ARHGEF12: variants seen among roughly 807,000 people sequenced by gnomAD.
ARHGEF12 encodes KMT2A/ARHGEF12 fusion protein.
Under a neutral mutation model 211.2 loss-of-function variants are expected in ARHGEF12, and 66 were observed. That is an observed-to-expected ratio of 0.31 (90% CI 0.26 to 0.38). The LOEUF (loss-of-function observed/expected upper bound fraction) is 0.38, where lower values mean the gene tolerates loss of function less well. ARHGEF12 is among the 10% of genes least tolerant of loss of function. The pLI, the probability that ARHGEF12 is intolerant of heterozygous loss-of-function variation, is 1.00. For synonymous variants in ARHGEF12, 592 were observed against 638.4 expected, an observed-to-expected ratio of 0.93 and a Z score of 1.09; for missense variants, 1,429 against 1,869.5, an observed-to-expected ratio of 0.76 and a Z score of 4.34.
At chr11:120,476,620 C>A (rs750811256) in intron 33 of ARHGEF12, 41 bp from the exon 34 acceptor site, 2 of 1,512,486 alleles carry the variant, frequency 1.3e-6, no homozygotes, top group Non-Finnish European at 1.8e-6. Context: ...ATGGCCTCCC[C>A]AGGTCATAGT....
Position 120,487,531 on chromosome 11 carries a change from ATCTTCCTTT to A in ARHGEF12, c.*2455_*2463del, listed in dbSNP as rs1947428359. The A allele has an allele frequency of 4.7e-6, 1 of 214,300 alleles. No homozygotes were observed. Among genetic ancestry groups the A allele is most frequent in the African/African-American group, 2.3e-5 (1 of 44,258 alleles). 13.3% of individuals were successfully genotyped at this position (214,300 alleles called of 1,614,324 possible). A position where few individuals can be genotyped will look rare whatever the true frequency, so the allele number is the denominator to read the frequency against. On this transcript the variant is annotated 3_prime_UTR_variant, in exon 41 of 41. Transcript: ENST00000397843. ...ACATCCGTTTGACTTTGGTTGTGAC[ATCTTCCTTT>A]CAGGATGATGGAATTAGATGCAGTC...
Position 120,457,764 on chromosome 11 carries a change from A to T in ARHGEF12, c.2225+8A>T, listed in dbSNP as rs1014358950. On this transcript the variant is annotated splice_region_variant and intron_variant, in intron 24 of 40. Coordinates refer to ENST00000397843, the MANE Select transcript of ARHGEF12 (RefSeq NM_015313.3). ...ACCAAAGCCCTTTCGAAAGTAAGTA[A>T]ATCTTAAGCAGCTTTCAATAAAGGC... The T allele has an allele frequency of 4.4e-6, 7 of 1,607,926 alleles. No individual in the cohort carries two copies. In the African/African-American group the frequency reaches 6.7e-5, roughly 15 times the overall value.
In ARHGEF12 at chr11:120,424,845, A is replaced by T. The variant is rs548499529; in HGVS notation, c.406+430A>T. On this transcript the variant is annotated intron_variant, in intron 7 of 40. Coordinates refer to ENST00000397843, the MANE Select transcript of ARHGEF12 (RefSeq NM_015313.3). ...GAGGAAGGAGGTTGAGAAGTCAGACATATGGCCTGATGAACTGAAATGGAA... is the reference window on the plus strand; with the variant it reads ...GAGGAAGGAGGTTGAGAAGTCAGACTTATGGCCTGATGAACTGAAATGGAA... Among the ~76,000 whole-genome samples, 3 of 152,254 alleles carry T rather than the reference A, an allele frequency of 2.0e-5. No homozygotes were observed. In the South Asian group the frequency reaches 6.2e-4, roughly 31 times the overall value.
Position 120,337,005 on chromosome 11 carries a change from C to G in ARHGEF12, c.-239C>G. On this transcript the variant is annotated 5_prime_UTR_variant, in exon 1 of 41. Transcript: ENST00000397843. Reference sequence around the variant, plus strand: ...GAGGATTTCTCTCTAGCTCGACTCACTCTGGACTGACTCGCTCCCTGGCTT... The same window carrying G: ...GAGGATTTCTCTCTAGCTCGACTCAGTCTGGACTGACTCGCTCCCTGGCTT... The G allele has an allele frequency of 1.7e-6, 1 of 592,228 alleles. No individual in the cohort carries two copies. The highest frequency in any genetic ancestry group is 3.0e-6 in the Non-Finnish European group (1 of 331,270). The allele number at this position is 592,228 out of a possible 1,614,324, so 36.7% of individuals were successfully genotyped here.
intron 1 of ARHGEF12, among the ~76,000 whole-genome samples, chr11:120,341,685 T>A (rs1052682779): frequency 6.6e-6 from 1 of 152,230 alleles, no homozygotes; most frequent in African/African-American, 2.4e-5. Flanking sequence ...GAAATGTTTC[T>A]TATATACTTG....
At chr11:120,438,147 T>C (rs1371744572) in intron 12 of ARHGEF12, among the ~76,000 whole-genome samples, 8 of 152,202 alleles carry the variant, frequency 5.3e-5, no homozygotes, top group Admixed American at 5.2e-4. Flanking sequence ...TTTACAGTTT[T>C]GTAGTAAAAG....
chr11:120,391,759 G>A (rs73582234), intron 1 of ARHGEF12, among the ~76,000 whole-genome samples: 3 of 152,088 alleles, frequency 2.0e-5, no homozygotes, highest in South Asian at 2.1e-4. Context: ...ACTTAATAGC[G>A]CCTCCCATTC....
chr11:120,457,809 C>T, intron 24 of ARHGEF12, 53 bp downstream of exon 24: 1 of 1,557,464 alleles, frequency 6.4e-7, no homozygotes, highest in Non-Finnish European at 8.8e-7. Flanking sequence ...GAAACGTAAC[C>T]TTTTTTCCTC....
At chr11:120,389,688 C>T (rs1944153805) in intron 1 of ARHGEF12, among the ~76,000 whole-genome samples, 1 of 152,164 alleles carries the variant, frequency 6.6e-6, no homozygotes, top group Non-Finnish European at 1.5e-5. Flanking sequence ...CTACCCTTCC[C>T]AGCCTCTGAT....
chr11:120,458,551 G>A (rs1946430539), intron 25 of ARHGEF12: 2 of 281,390 alleles, frequency 7.1e-6, no homozygotes, highest in Non-Finnish European at 1.3e-5. Context: ...GGAAGGTAAA[G>A]CCCAGGGAGA....
At chr11:120,440,490 A>T (rs918262187) in intron 13 of ARHGEF12, among the ~76,000 whole-genome samples, 2 of 152,136 alleles carry the variant, frequency 1.3e-5, no homozygotes, top group African/African-American at 4.8e-5. Context: ...AGTATTTTTA[A>T]AAAAAATTTC....
rs1947228498 is a variant in ARHGEF12 at position 120,481,322 on chromosome 11, G to T, written c.4300G>T (p.Ala1434Ser). The T allele has an allele frequency of 6.2e-7, 1 of 1,614,152 alleles. No homozygotes were observed. The highest frequency in any genetic ancestry group is 1.7e-5 in the Admixed American group (1 of 60,014). The change falls in exon 39 of 41, where the codon GCT (alanine) becomes TCT (serine). Residue 1434 changes from alanine to serine, a missense_variant. Physicochemically the swap from Ala to Ser is moderately conservative, Grantham distance 99. Around this residue, in one of 7 missense-constraint regions of ARHGEF12, gnomAD observed 467 missense variants for 468.4 expected, o/e 1.00. Coordinates refer to ENST00000397843, the MANE Select transcript of ARHGEF12 (RefSeq NM_015313.3). ...GGAGAGTTCCACAGATGAGGAGGTTGCTTCCTCACTTACCCTGCAGCCCAT... is the reference window on the plus strand; with the variant it reads ...GGAGAGTTCCACAGATGAGGAGGTTTCTTCCTCACTTACCCTGCAGCCCAT... ...VQESSTDEEV[A>S]SSLTLQPMTG...
At chr11:120,440,342 A>G in intron 13 of ARHGEF12, 121 bp downstream of exon 13, 1 of 803,634 alleles carries the variant, frequency 1.2e-6, no homozygotes. Flanking sequence ...GCTAAATCTT[A>G]GAACCAATAG....
At chr11:120,440,253 T>C (rs762948302) in intron 13 of ARHGEF12, 32 bp downstream of exon 13, 4 of 1,525,466 alleles carry the variant, frequency 2.6e-6, no homozygotes, top group Non-Finnish European at 3.6e-6. Context: ...AAAAATAGAT[T>C]GTTACTTTCT....
intron 1 of ARHGEF12, among the ~76,000 whole-genome samples, chr11:120,401,618 G>A (rs571994519): frequency 2.0e-4 from 30 of 152,230 alleles, no homozygotes; most frequent in African/African-American, 6.7e-4. Context: ...GGAAATAATG[G>A]ACTTTTTTGC....
chr11:120,351,762 C>G (rs889408395), intron 1 of ARHGEF12, among the ~76,000 whole-genome samples: 3 of 152,016 alleles, frequency 2.0e-5, no homozygotes, highest in Non-Finnish European at 2.9e-5. Flanking sequence ...TGAGCCACTG[C>G]GCCCGGCCGG....
chr11:120,438,885 ACAGAGT>A (rs149437357), intron 12 of ARHGEF12: 21 of 152,252 alleles, frequency 1.4e-4, no homozygotes, highest in African/African-American at 4.3e-4. Flanking sequence ...TATGAATGAG[ACAGAGT>A]CTTACTCTGT....
intron 7 of ARHGEF12, among the ~76,000 whole-genome samples, chr11:120,425,625 A>C (rs1190457733): frequency 6.6e-6 from 1 of 152,118 alleles, no homozygotes; most frequent in Middle Eastern, 3.4e-3. Context: ...ATTGCTTCAC[A>C]TACTGAATGG....
Position 120,448,357 on chromosome 11 carries a change from G to T in ARHGEF12, c.1737+9G>T, listed in dbSNP as rs1565489549. The T allele has an allele frequency of 6.2e-7, 1 of 1,605,048 alleles. No individual in the cohort carries two copies. The highest frequency in any genetic ancestry group is 2.2e-5 in the East Asian group (1 of 44,778). On this transcript the variant is annotated intron_variant, in intron 20 of 40. Coordinates refer to ENST00000397843, the MANE Select transcript of ARHGEF12 (RefSeq NM_015313.3). ...TTCTTCCCAAAATCAAGGTAAGAAT[G>T]AAATAATGTAATAGCATGTTCAGGC... is the stretch of plus-strand genomic sequence containing the variant.
Sources: allele counts gnomAD v4.1 joint callset (sites outside exome capture counted in the v4.1 genomes callset), GRCh38; gene constraint gnomAD v4.1.1; regional missense constraint gnomAD v4.1.1; transcripts MANE v1.5; gene names NCBI Gene and HGNC (gene_info 2026-07-23, HGNC 2026-07-21).